Variants in KCNQ3 observed in about 807,000 individuals in gnomAD.
KCNQ3 encodes potassium voltage-gated channel subfamily Q member 3.
In KCNQ3, 30 loss-of-function variants were observed where a neutral mutation model predicts 92.5. The observed-to-expected ratio is 0.32, with a 90% CI of 0.24 to 0.44. KCNQ3 has a LOEUF of 0.44. Among genes scored for constraint, KCNQ3 ranks in the 20% least tolerant of loss-of-function variants. The pLI is 1.00. For missense variants in KCNQ3, 913 were observed against 1,140.3 expected, an observed-to-expected ratio of 0.80 and a Z score of 2.87; for synonymous variants, 450 against 468.8, an observed-to-expected ratio of 0.96 and a Z score of 0.52.
chr8:132,242,416 T>G (rs1815026472), intron 1 of KCNQ3, among the ~76,000 whole-genome samples: 1 of 152,114 alleles, frequency 6.6e-6, no homozygotes, highest in South Asian at 2.1e-4. Context: ...TTCAAAAGAT[T>G]GACAATATTT....
intron 1 of KCNQ3, among the ~76,000 whole-genome samples, chr8:132,352,485 G>A (rs1351133948): frequency 6.6e-6 from 1 of 152,136 alleles, no homozygotes; most frequent in Non-Finnish European, 1.5e-5. Flanking sequence ...GGAACACAGA[G>A]CAGGACTCGC....
chr8:132,345,722 G>A (rs1032674821), intron 1 of KCNQ3, among the ~76,000 whole-genome samples: 4 of 152,142 alleles, frequency 2.6e-5, no homozygotes, highest in Non-Finnish European at 2.9e-5. Flanking sequence ...TGGGGAATAC[G>A]ATGATTATCA....
intron 1 of KCNQ3, among the ~76,000 whole-genome samples, chr8:132,262,979 T>C (rs953551856): frequency 5.9e-5 from 9 of 152,172 alleles, no homozygotes; most frequent in Non-Finnish European, 1.0e-4. Flanking sequence ...GACCTGAAGC[T>C]CTGAGGAATT....
At chr8:132,201,774 T>G (rs752128345) in intron 1 of KCNQ3, among the ~76,000 whole-genome samples, 1 of 152,084 alleles carries the variant, frequency 6.6e-6, no homozygotes, top group African/African-American at 2.4e-5. Context: ...TAGAGTTGCA[T>G]GTGGGTGGTC....
At position 132,180,096 on chromosome 8, in the gene KCNQ3, A is replaced by G; in HGVS notation, c.777+61T>C. 3 of 1,570,776 alleles carry G rather than the reference A, an allele frequency of 1.9e-6. No homozygotes were observed. The South Asian group carries it at 3.3e-5, about 17-fold the overall frequency. ...GGGACACTGCAAAGGAAGGGATGTC[A>G]TGGAAGGGCATAGGTGGGTGGGAAG... On this transcript the variant is annotated intron_variant, in intron 4 of 14. Coordinates refer to ENST00000388996, the MANE Select transcript of KCNQ3 (RefSeq NM_004519.4).
chr8:132,152,158 C>T (rs570417593), intron 9 of KCNQ3, among the ~76,000 whole-genome samples: 1 of 152,098 alleles, frequency 6.6e-6, no homozygotes, highest in East Asian at 1.9e-4. Flanking sequence ...TTTCTGATAA[C>T]TTTGGAGATT....
intron 1 of KCNQ3, among the ~76,000 whole-genome samples, chr8:132,189,888 C>CAAAAAAAAAAAAAAAA (rs776683880): frequency 1.6e-5 from 1 of 64,082 alleles, no homozygotes; most frequent in Non-Finnish European, 2.7e-5. Context: ...TAAAAATGAC[C>CAAAAAAAAAAAAAAAA]AAAAAAAAAA....
intron 9 of KCNQ3, among the ~76,000 whole-genome samples, chr8:132,143,770 A>ATG (rs1825370321): frequency 6.6e-6 from 1 of 152,200 alleles, no homozygotes; most frequent in Non-Finnish European, 1.5e-5. Flanking sequence ...AAGGCTGACG[A>ATG]TGTGTGTGAA....
At chr8:132,265,250 T>C (rs1815943563) in intron 1 of KCNQ3, among the ~76,000 whole-genome samples, 1 of 152,258 alleles carries the variant, frequency 6.6e-6, no homozygotes, top group South Asian at 2.1e-4. Flanking sequence ...TTATTCTCTT[T>C]GCCTAGATGA....
intron 14 of KCNQ3, among the ~76,000 whole-genome samples, chr8:132,130,527 G>C (rs1047250719): frequency 6.6e-6 from 1 of 152,156 alleles, no homozygotes. Flanking sequence ...AGAAAACCTA[G>C]GCAAGGTCTT....
intron 1 of KCNQ3, among the ~76,000 whole-genome samples, chr8:132,325,078 GC>G (rs1586927794): frequency 6.6e-6 from 1 of 151,730 alleles, no homozygotes; most frequent in African/African-American, 2.4e-5. Context: ...ACACAACACA[GC>G]TTGGTAGGAG....
intron 9 of KCNQ3, among the ~76,000 whole-genome samples, chr8:132,159,792 GAACACTATGACACTTGTAGAATA>G (rs1476581296): frequency 3.3e-5 from 5 of 152,188 alleles, no homozygotes; most frequent in Middle Eastern, 6.8e-3. Flanking sequence ...AAGTTGGGTG[GAACACTATGACACTTGTAGAATA>G]ATGAGTCCAT....
intron 1 of KCNQ3, among the ~76,000 whole-genome samples, chr8:132,268,541 G>A (rs1179064919): frequency 6.6e-6 from 1 of 152,234 alleles, no homozygotes; most frequent in Non-Finnish European, 1.5e-5. Flanking sequence ...TTACAGGCAT[G>A]AGCCACCGCG....
chr8:132,249,919 T>A (rs1186980363), intron 1 of KCNQ3, among the ~76,000 whole-genome samples: 1 of 152,160 alleles, frequency 6.6e-6, no homozygotes, highest in Non-Finnish European at 1.5e-5. Flanking sequence ...CCTCACTGCC[T>A]GGGGCCAGCG....
chr8:132,306,774 T>C (rs1454477868), intron 1 of KCNQ3, among the ~76,000 whole-genome samples: 1 of 152,216 alleles, frequency 6.6e-6, no homozygotes, highest in East Asian at 1.9e-4. Context: ...TAGTCCTTAA[T>C]TATGCAAACA....
rs1554660882 is a variant in KCNQ3 at position 132,480,672 on chromosome 8, C to CCA, written c.-141_-140insTG. 2.2e-6 allele frequency: 2 copies of CCA among 913,420 alleles called. No individual in the cohort carries two copies. The highest frequency in any genetic ancestry group is 3.9e-5 in the South Asian group (1 of 25,970). 56.6% of individuals were successfully genotyped at this position (913,420 alleles called of 1,614,324 possible). On this transcript the variant is annotated 5_prime_UTR_variant, in exon 1 of 15. Transcript: ENST00000388996. ...CCATGATCCGCGCGCCCCTCCCCACCCCCCCCCAAAAGCAGGCAAAGGCGG... is the reference window on the plus strand; with the variant it reads ...CCATGATCCGCGCGCCCCTCCCCACCCACCCCCCCAAAAGCAGGCAAAGGCGG...
intron 1 of KCNQ3, chr8:132,187,302 C>T (rs908274626): frequency 2.6e-5 from 12 of 455,228 alleles, no homozygotes; most frequent in Admixed American, 1.9e-4. Flanking sequence ...TCTGTCCTCA[C>T]GAGCTCACAG....
intron 1 of KCNQ3, among the ~76,000 whole-genome samples, chr8:132,357,246 G>C (rs749908382): frequency 1.3e-5 from 2 of 152,216 alleles, no homozygotes; most frequent in Non-Finnish European, 2.9e-5. Context: ...CCCAAGAAAA[G>C]GGCTGGGAGT....
chr8:132,469,452 T>C (rs561144426), intron 1 of KCNQ3, among the ~76,000 whole-genome samples: 1 of 152,302 alleles, frequency 6.6e-6, no homozygotes, highest in South Asian at 2.1e-4. Context: ...GTAAGTGAAG[T>C]GTCCAAATCA....
Sources: gnomAD v4.1 joint callset for allele counts (sites outside exome capture counted in the v4.1 genomes callset) on GRCh38, gnomAD v4.1.1 for gene constraint, MANE v1.5 for transcripts, NCBI Gene and HGNC (gene_info 2026-07-23, HGNC 2026-07-21) for gene names.